XIRP2: variants seen among roughly 807,000 people sequenced by gnomAD.
The protein encoded by XIRP2 is xin actin binding repeat containing 2.
A neutral mutation model predicts 277.0 loss-of-function variants in XIRP2; 236 were observed. That is an observed-to-expected ratio of 0.85 (90% CI 0.77 to 0.95). The LOEUF (loss-of-function observed/expected upper bound fraction) is 0.95, where lower values mean the gene tolerates loss of function less well. XIRP2 is among the 40% of genes least tolerant of loss of function. XIRP2 has a pLI of 0.00. For synonymous variants in XIRP2, 1,490 were observed against 1,416.5 expected, an observed-to-expected ratio of 1.05 and a Z score of -1.17; for missense variants, 4,640 against 4,157.5, an observed-to-expected ratio of 1.12 and a Z score of -3.19.
rs866408748 is a variant in XIRP2, at chr2:167,083,248, A to G, written c.409-52661A>G. 6.6e-5 allele frequency among the ~76,000 whole-genome samples: 10 copies of G among 152,136 alleles called. No individual in the cohort carries two copies. In the South Asian group the frequency reaches 1.2e-3, roughly 19 times the overall value. On this transcript the variant is annotated intron_variant, in intron 2 of 10. Transcript: ENST00000409195. ...TTCTCAGGTTTGTCAAAGATCAGATAGTTGTAGATATGCGGCATTATTTCT... is the reference window on the plus strand; with the variant it reads ...TTCTCAGGTTTGTCAAAGATCAGATGGTTGTAGATATGCGGCATTATTTCT...
intron 1 of XIRP2, among the ~76,000 whole-genome samples, chr2:166,888,934 C>T (rs1684026583): frequency 6.6e-6 from 1 of 152,170 alleles, no homozygotes; most frequent in South Asian, 2.1e-4. Context: ...ACAAAAACAG[C>T]ATCACCCAAA....
rs1290783105 is a variant in XIRP2, at chr2:167,084,463, G to A, written c.409-51446G>A. ...GGATGATGCTGGCCTCATAAAATGAGTTAGGGAGGATTCCCTCTTTTTCTA... is the reference window on the plus strand; with the variant it reads ...GGATGATGCTGGCCTCATAAAATGAATTAGGGAGGATTCCCTCTTTTTCTA... On this transcript the variant is annotated intron_variant, in intron 2 of 10. Transcript: ENST00000409195. Among the ~76,000 whole-genome samples the A allele has an allele frequency of 1.9e-3, 284 of 151,328 alleles. 1 individual carries two copies. The highest frequency in any genetic ancestry group is 2.6e-3 in the Non-Finnish European group (176 of 67,628).
At chr2:166,972,233 C>T (rs1402956072) in intron 2 of XIRP2, among the ~76,000 whole-genome samples, 1 of 152,040 alleles carries the variant, frequency 6.6e-6, no homozygotes, top group Non-Finnish European at 1.5e-5. Flanking sequence ...CTTCCTGCAC[C>T]TTGATCTTGG....
chr2:167,010,484 G>A (rs1403027652), intron 2 of XIRP2, among the ~76,000 whole-genome samples: 7 of 151,638 alleles, frequency 4.6e-5, no homozygotes, highest in Middle Eastern at 6.8e-3. Flanking sequence ...CTTGTAGTAT[G>A]GTTTGAAGTC....
intron 5 of XIRP2, among the ~76,000 whole-genome samples, chr2:167,223,498 G>A (rs1024094269): frequency 1.3e-5 from 2 of 152,132 alleles, no homozygotes; most frequent in African/African-American, 4.8e-5. Context: ...GACAATGCTA[G>A]GTCAATAAAA....
At chr2:167,175,824 G>A (rs1387521635) in intron 3 of XIRP2, among the ~76,000 whole-genome samples, 1 of 150,962 alleles carries the variant, frequency 6.6e-6, no homozygotes, top group Non-Finnish European at 1.5e-5. Context: ...CTTTCTTTCA[G>A]AGATGCCCTG....
intron 2 of XIRP2, among the ~76,000 whole-genome samples, chr2:167,114,987 A>G (rs1310850183): frequency 6.6e-6 from 1 of 152,064 alleles, no homozygotes; most frequent in Non-Finnish European, 1.5e-5. Flanking sequence ...GTCAAATGGT[A>G]TTTCTAGTTC....
chr2:167,117,691 G>C (rs1690933757), intron 2 of XIRP2, among the ~76,000 whole-genome samples: 1 of 152,194 alleles, frequency 6.6e-6, no homozygotes, highest in East Asian at 1.9e-4. Flanking sequence ...TTGAGATGAT[G>C]AGAGAAACAT....
chr2:166,963,816 A>G (rs1270667478), intron 2 of XIRP2, among the ~76,000 whole-genome samples: 1 of 151,814 alleles, frequency 6.6e-6, no homozygotes, highest in Non-Finnish European at 1.5e-5. Flanking sequence ...AATTTGTTAT[A>G]TTATTTTTAA....
intron 2 of XIRP2, among the ~76,000 whole-genome samples, chr2:167,013,573 T>A (rs1222790081): frequency 6.6e-6 from 1 of 151,254 alleles, no homozygotes; most frequent in Non-Finnish European, 1.5e-5. Context: ...TATATAGAAG[T>A]CCTAAAATAA....
At chr2:167,025,138 T>C (rs1051328749) in intron 2 of XIRP2, among the ~76,000 whole-genome samples, 1 of 152,138 alleles carries the variant, frequency 6.6e-6, no homozygotes, top group Non-Finnish European at 1.5e-5. Context: ...CAGATCCTGT[T>C]ATTGGTCTAT....
chr2:167,244,813 G>A lies in XIRP2; in HGVS notation c.3421G>A (p.Asp1141Asn), dbSNP rs1695194813. Residue 1141 changes from aspartate to asparagine, a missense_variant, in exon 9 of 11, where the codon GAT (aspartate) becomes AAT (asparagine). Physicochemically the swap from Asp to Asn is conservative, Grantham distance 23. Coordinates refer to ENST00000409195, the MANE Select transcript of XIRP2 (RefSeq NM_152381.6). Reference sequence around the variant, plus strand: ...AACTCAGCCACTTGATACCATAAAAGATGACTCTGAAACAGCAGTCAAATT... The same window carrying A: ...AACTCAGCCACTTGATACCATAAAAAATGACTCTGAAACAGCAGTCAAATT... Reference protein sequence around the residue: ...FETQPLDTIKDDSETAVKLQT... With the variant: ...FETQPLDTIKNDSETAVKLQT... The A allele has an allele frequency of 6.2e-7, 1 of 1,613,708 alleles. No individual in the cohort carries two copies. Among genetic ancestry groups the A allele is most frequent in the Non-Finnish European group, 8.5e-7 (1 of 1,179,752 alleles).
chr2:167,213,949 T>C (rs1481364123), intron 4 of XIRP2, among the ~76,000 whole-genome samples: 1 of 149,928 alleles, frequency 6.7e-6, no homozygotes, highest in East Asian at 2.0e-4. Flanking sequence ...TAATCCGCGG[T>C]GGCTCACCCC....
chr2:167,024,164 C>T (rs1370112583), intron 2 of XIRP2, among the ~76,000 whole-genome samples: 2 of 151,976 alleles, frequency 1.3e-5, no homozygotes, highest in South Asian at 2.1e-4. Flanking sequence ...GAAAAGGTCC[C>T]TCACGTCCCT....
rs560404090 is a variant in XIRP2 at position 167,011,399 on chromosome 2, G to A, written c.408+107509G>A. Among the ~76,000 whole-genome samples the A allele has an allele frequency of 2.2e-3, 326 of 150,862 alleles. 3 individuals are homozygous for A. The highest frequency in any genetic ancestry group is 7.8e-3 in the African/African-American group (318 of 40,990). ...TTATTGATTTGTGTATATTGAACCA[G>A]CCTTGCATCCCAGGGATGAAGCCCA... On this transcript the variant is annotated intron_variant, in intron 2 of 10. Coordinates refer to ENST00000409195, the MANE Select transcript of XIRP2 (RefSeq NM_152381.6).
Position 167,245,668 on chromosome 2 carries a change from G to A in XIRP2, c.4276G>A (p.Glu1426Lys). The A allele has an allele frequency of 6.2e-7, 1 of 1,613,494 alleles. No individual in the cohort carries two copies. Among genetic ancestry groups the A allele is most frequent in the Non-Finnish European group, 8.5e-7 (1 of 1,179,686 alleles). Residue 1426 changes from glutamate to lysine, a missense_variant, in exon 9 of 11, where the codon GAG (glutamate) becomes AAG (lysine). Transcript: ENST00000409195. ...GNVKTSRQFF[E>K]SENFDKNNYI... The stretch of plus-strand genomic sequence containing the variant: ...TGTAAAGACAAGTAGACAATTCTTT[G>A]AGTCTGAAAATTTTGATAAGAATAA...
chr2:167,134,129 A>ATG (rs1691465938), intron 2 of XIRP2, among the ~76,000 whole-genome samples: 1 of 151,900 alleles, frequency 6.6e-6, no homozygotes, highest in African/African-American at 2.4e-5. Context: ...ATGTGTATAT[A>ATG]TGTGTATATA....
At chr2:167,117,391 T>C (rs1302778388) in intron 2 of XIRP2, among the ~76,000 whole-genome samples, 1 of 152,206 alleles carries the variant, frequency 6.6e-6, no homozygotes, top group African/African-American at 2.4e-5. Context: ...CAGAAATCCA[T>C]TTAAAGGTGA....
chr2:166,907,171 T>G (rs1380422078), intron 2 of XIRP2, among the ~76,000 whole-genome samples: 1 of 152,220 alleles, frequency 6.6e-6, no homozygotes. Flanking sequence ...AATATTTTCA[T>G]GCTTATGAGG....
Sources: gnomAD v4.1 joint callset for allele counts (sites outside exome capture counted in the v4.1 genomes callset) on GRCh38, gnomAD v4.1.1 for gene constraint, MANE v1.5 for transcripts, NCBI Gene and HGNC (gene_info 2026-07-23, HGNC 2026-07-21) for gene names.